INPPL1: variants seen among roughly 807,000 people sequenced by gnomAD.
INPPL1 encodes the protein phosphatidylinositol 3,4,5-trisphosphate 5-phosphatase 2.
INPPL1 carries 91 observed loss-of-function variants against 139.3 expected under a neutral mutation model. The observed-to-expected ratio is 0.65, with a 90% CI of 0.55 to 0.78. The LOEUF (loss-of-function observed/expected upper bound fraction) is 0.78, where lower values mean the gene tolerates loss of function less well. Ranked by LOEUF, INPPL1 falls within the 30% of genes least tolerant of loss-of-function variation. The pLI is 0.00. For missense variants in INPPL1, 1,411 were observed against 1,665.6 expected (o/e 0.85, Z 2.66); for synonymous variants, 719 against 686.6 (o/e 1.05, Z -0.74).
intron 1 of INPPL1, among the ~76,000 whole-genome samples, chr11:72,225,889 A>C (rs191772662): frequency 0.011 from 1,740 of 152,174 alleles, 29 homozygotes; most frequent in Non-Finnish European, 0.014. Flanking sequence ...CTTTCAGCCC[A>C]GTGTGGTTGG....
Position 72,228,811 on chromosome 11 carries a change from C to T in INPPL1, c.482C>T (p.Pro161Leu), listed in dbSNP as rs752670331. 3.1e-6 allele frequency: 5 copies of T among 1,612,834 alleles called. No individual in the cohort carries two copies. Among genetic ancestry groups the T allele is most frequent in the Non-Finnish European group, 4.2e-6 (5 of 1,179,362 alleles). Residue 161 changes from proline (P) to leucine (L), a missense_variant, in exon 4 of 28, where the codon CCA (proline) becomes CTA (leucine). By Grantham distance (98) the Pro-to-Leu change is moderately conservative. This residue lies in a region of INPPL1 where 504 missense variants were observed against 595.6 expected (regional missense o/e 0.85). Transcript: ENST00000298229. The surrounding 1 kb of genome is among the most constrained non-coding windows in gnomAD (Gnocchi z 5.0). ...CCCACTGGGCCCAGCAGTCCCCTGCCAGCTCCTGAGACTCCCACAGCTCCA... is the reference window on the plus strand; with the variant it reads ...CCCACTGGGCCCAGCAGTCCCCTGCTAGCTCCTGAGACTCCCACAGCTCCA... ...SAPTGPSSPLPAPETPTAPAA... is the reference protein window; with the variant it reads ...SAPTGPSSPLLAPETPTAPAA...
rs762242307 is a variant in INPPL1 at position 72,232,868 on chromosome 11, A to G, written c.1852-7A>G. Reference sequence around the variant, plus strand: ...AATGTTTCTAGCCTTTGTGTCCTCCACCCCAGGAGATCCTGAACTACATCA... The same window carrying G: ...AATGTTTCTAGCCTTTGTGTCCTCCGCCCCAGGAGATCCTGAACTACATCA... On this transcript the variant is annotated splice_region_variant and splice_polypyrimidine_tract_variant and intron_variant, in intron 15 of 27. Transcript: ENST00000298229. 1.9e-6 allele frequency: 3 copies of G among 1,613,838 alleles called. No homozygotes were observed. In the South Asian group the frequency reaches 3.3e-5, roughly 18 times the overall value.
chr11:72,230,737 C>T, intron 10 of INPPL1, 59 bp from the exon 11 acceptor site: 1 of 1,439,128 alleles, frequency 6.9e-7, no homozygotes, highest in South Asian at 1.2e-5. Context: ...CAGGGTATCC[C>T]TGTGGACGGG....
At chr11:72,227,603 C>T (rs1389875203) in intron 1 of INPPL1, among the ~76,000 whole-genome samples, 3 of 152,166 alleles carry the variant, frequency 2.0e-5, no homozygotes, top group Non-Finnish European at 2.9e-5. Flanking sequence ...TCCTGTCTGT[C>T]AGCACCCCTC....
chr11:72,232,467 A>T (rs1014260735), intron 14 of INPPL1, 131 bp downstream of exon 14: 5 of 1,212,834 alleles, frequency 4.1e-6, no homozygotes, highest in Non-Finnish European at 5.8e-6. Flanking sequence ...TCTTATCCCA[A>T]TTCAAGACCC....
In INPPL1 at chr11:72,228,813, G is replaced by A; in HGVS notation, c.484G>A (p.Ala162Thr). The A allele has an allele frequency of 6.2e-7, 1 of 1,612,640 alleles. No homozygotes were observed. Among genetic ancestry groups the A allele is most frequent in the Non-Finnish European group, 8.5e-7 (1 of 1,179,314 alleles). Residue 162 changes from alanine (A) to threonine (T), a missense_variant, in exon 4 of 28, where the codon GCT (alanine) becomes ACT (threonine). Physicochemically the swap from Ala to Thr is moderately conservative, Grantham distance 58. This residue lies in a region of INPPL1 where 504 missense variants were observed against 595.6 expected (regional missense o/e 0.85). Transcript: ENST00000298229. The surrounding 1 kb of genome is among the most constrained non-coding windows in gnomAD (Gnocchi z 5.0). Reference sequence around the variant, plus strand: ...CACTGGGCCCAGCAGTCCCCTGCCAGCTCCTGAGACTCCCACAGCTCCAGC... The same window carrying A: ...CACTGGGCCCAGCAGTCCCCTGCCAACTCCTGAGACTCCCACAGCTCCAGC... ...APTGPSSPLP[A>T]PETPTAPAAE...
At chr11:72,230,046 C>T (rs368966021) in intron 8 of INPPL1, 27 bp downstream of exon 8, 20 of 1,613,960 alleles carry the variant, frequency 1.2e-5, no homozygotes, top group Non-Finnish European at 1.7e-5. Context: ...CCTCACAGGG[C>T]CAAGGGTGGT....
rs1948640277 is a variant in INPPL1 at position 72,225,340 on chromosome 11, C to T, written c.182+174C>T. 4.1e-6 allele frequency: 4 copies of T among 985,314 alleles called. No individual in the cohort carries two copies. The South Asian group carries it at 1.4e-4, about 35-fold the overall frequency. 61.0% of individuals were successfully genotyped at this position (985,314 alleles called of 1,614,324 possible). Reference sequence around the variant, plus strand: ...GGGTCTGAGGAGGGACGCAGGGGCACTTCCTGCTGTGTGTCTGGGGGCACT... The same window carrying T: ...GGGTCTGAGGAGGGACGCAGGGGCATTTCCTGCTGTGTGTCTGGGGGCACT... On this transcript the variant is annotated intron_variant, in intron 1 of 27. Transcript: ENST00000298229.
At position 72,225,148 on chromosome 11, in the gene INPPL1, C is replaced by T; in HGVS notation, c.164C>T (p.Ala55Val). 8.9e-6 allele frequency: 11 copies of T among 1,230,590 alleles called. No individual in the cohort carries two copies. Among genetic ancestry groups the T allele is most frequent in the African/African-American group, 1.6e-5 (1 of 64,460 alleles). The allele number at this position is 1,230,590 out of a possible 1,614,324, so 76.2% of individuals were successfully genotyped here. A position where few individuals can be genotyped will look rare whatever the true frequency, so the allele number is the denominator to read the frequency against. ...LVRDSESVAG[A>V]FALCVLYQKH... ...CGAGACAGCGAGAGCGTGGCGGGGG[C>T]CTTCGCGCTCTGCGTCCTGTGAGTG... Residue 55 changes from alanine (A) to valine (V), a missense_variant, in exon 1 of 28, where the codon GCC (alanine) becomes GTC (valine). Transcript: ENST00000298229.
In INPPL1 at chr11:72,228,857, C is replaced by T. The variant is rs370550151; in HGVS notation, c.518+10C>T. On this transcript the variant is annotated intron_variant, in intron 4 of 27. Coordinates refer to ENST00000298229, the MANE Select transcript of INPPL1 (RefSeq NM_001567.4). This position sits in a 1 kb window ranked among gnomAD's most constrained non-coding sequence, Gnocchi z 5.0. Reference sequence around the variant, plus strand: ...CTCCAGCTGCTGAGAGGTGAGACCCCCATCCCATCCACTGAACAGGAGACC... The same window carrying T: ...CTCCAGCTGCTGAGAGGTGAGACCCTCATCCCATCCACTGAACAGGAGACC... The T allele has an allele frequency of 7.0e-6, 11 of 1,577,286 alleles. No homozygotes were observed. The highest frequency in any genetic ancestry group is 9.4e-6 in the Non-Finnish European group (11 of 1,164,308).
At position 72,230,744 on chromosome 11, in the gene INPPL1, C is replaced by CG. The variant is rs905729465; in HGVS notation, c.1198-46dup. 4.7e-6 allele frequency: 7 copies of CG among 1,490,474 alleles called. No individual in the cohort carries two copies. The South Asian group carries it at 7.0e-5, about 15-fold the overall frequency. 92.3% of individuals were successfully genotyped at this position (1,490,474 alleles called of 1,614,324 possible). ...CCAACTGGCAGGGTATCCCTGTGGACGGGGGGCTTCCTGGATGCCTACCCG... is the reference window on the plus strand; with the variant it reads ...CCAACTGGCAGGGTATCCCTGTGGACGGGGGGGCTTCCTGGATGCCTACCCG... On this transcript the variant is annotated intron_variant, in intron 10 of 27. Coordinates refer to ENST00000298229, the MANE Select transcript of INPPL1 (RefSeq NM_001567.4).
chr11:72,237,580 A>C lies in INPPL1; in HGVS notation c.3336A>C (p.Glu1112Asp). 5.0e-6 allele frequency: 8 copies of C among 1,597,338 alleles called. No homozygotes were observed. Among genetic ancestry groups the C allele is most frequent in the Non-Finnish European group, 6.8e-6 (8 of 1,169,092 alleles). Residue 1112 changes from glutamate (E) to aspartate (D), a missense_variant, in exon 26 of 28, where the codon GAA (glutamate) becomes GAC (aspartate). By Grantham distance (45) the Glu-to-Asp change is conservative (BLOSUM62 2). This residue lies in a region of INPPL1 where 438 missense variants were observed against 425.7 expected (regional missense o/e 1.03). Transcript: ENST00000298229. ...GPSPASTFLGEVASGDDRSCS... is the reference protein window; with the variant it reads ...GPSPASTFLGDVASGDDRSCS... ...CACCAGCCAGCACTTTCCTGGGGGA[A>C]GTGGCCAGTGGGGATGACCGGTCCT...
In INPPL1 at chr11:72,228,004, T is replaced by A. The variant is rs1381559016; in HGVS notation, c.183-186T>A. On this transcript the variant is annotated intron_variant, in intron 1 of 27. Coordinates refer to ENST00000298229, the MANE Select transcript of INPPL1 (RefSeq NM_001567.4). The surrounding 1 kb of genome is among the most constrained non-coding windows in gnomAD (Gnocchi z 5.0). ...GGGTGTTCTGGTCATTCCTGCCCAA[T>A]AGGCAACACCAGGAGGGTGGAAGTG... The A allele has an allele frequency of 3.2e-6, 2 of 633,586 alleles. No homozygotes were observed. The highest frequency in any genetic ancestry group is 2.3e-5 in the Admixed American group (1 of 43,056). 39.2% of individuals were successfully genotyped at this position (633,586 alleles called of 1,614,324 possible).
At chr11:72,229,858 T>TTG (rs1190779792) in intron 7 of INPPL1, 66 bp from the exon 8 acceptor site, 3 of 1,570,296 alleles carry the variant, frequency 1.9e-6, no homozygotes, top group Non-Finnish European at 2.6e-6. Flanking sequence ...CCAAGGTCAA[T>TTG]TGTGTCCCTC....
chr11:72,231,331 C>T, intron 12 of INPPL1, 142 bp downstream of exon 12: 1 of 974,084 alleles, frequency 1.0e-6, no homozygotes, highest in Non-Finnish European at 1.6e-6. Flanking sequence ...GGAGATCTGA[C>T]CTGAGTCCTT....
chr11:72,232,591 A>T, intron 14 of INPPL1, 35 bp from the exon 15 acceptor site: 1 of 1,607,466 alleles, frequency 6.2e-7, no homozygotes, highest in Non-Finnish European at 8.5e-7. Context: ...GACCCTGGGG[A>T]TCTACCCCTC....
In INPPL1 at chr11:72,230,236, C is replaced by T; in HGVS notation, c.1055C>T (p.Ser352Phe). 1 of 1,609,830 alleles carries T rather than the reference C, an allele frequency of 6.2e-7. No individual in the cohort carries two copies. The highest frequency in any genetic ancestry group is 1.7e-4 in the Middle Eastern group (1 of 6,018). ...GTGCTGCTGCGGAGACAGCGGGACT[C>T]CCAGGAGGACTGGACCACCTTCACG... is the stretch of plus-strand genomic sequence containing the variant. The part of the protein sequence containing the change: ...RLVLLRRQRD[S>F]QEDWTTFTHD... The change falls in exon 9 of 28, where the codon TCC becomes TTC. Residue 352 changes from serine (S) to phenylalanine (F), a missense_variant. Ser to Phe is a radical substitution (Grantham distance 155). Around this residue, in one of 5 missense-constraint regions of INPPL1, gnomAD observed 504 missense variants for 595.6 expected, o/e 0.85. Coordinates refer to ENST00000298229, the MANE Select transcript of INPPL1 (RefSeq NM_001567.4).
Position 72,238,328 on chromosome 11 carries a change from T to G in INPPL1, c.3752T>G (p.Leu1251Arg). 6.3e-7 allele frequency: 1 copy of G among 1,582,666 alleles called. No homozygotes were observed. The highest frequency in any genetic ancestry group is 8.6e-7 in the Non-Finnish European group (1 of 1,165,408). ...GACCCGGCTCACAAGCGCCTCCTTC[T>G]GGACACCCTGCAGCTCAGCAAGTGA... The part of the protein sequence containing the change: ...VQDPAHKRLL[L>R]DTLQLSK Residue 1251 changes from leucine to arginine, a missense_variant, in exon 28 of 28, where the codon CTG (leucine) becomes CGG (arginine). Physicochemically the swap from Leu to Arg is moderately radical, Grantham distance 102. Transcript: ENST00000298229.
At position 72,234,886 on chromosome 11, in the gene INPPL1, G is replaced by A. The variant is rs1343944244; in HGVS notation, c.2416-230G>A. Among the ~76,000 whole-genome samples, 2 of 152,084 alleles carry A rather than the reference G, an allele frequency of 1.3e-5. No individual in the cohort carries two copies. The highest frequency in any genetic ancestry group is 4.8e-5 in the African/African-American group (2 of 41,380). On this transcript the variant is annotated intron_variant, in intron 21 of 27. Transcript: ENST00000298229. The surrounding 1 kb of genome is among the most constrained non-coding windows in gnomAD (Gnocchi z 4.2). ...GAGCTTTTGCTAGATGTCAGGTCCT[G>A]TGTTAGCTATTGAGAAAATTAATTA...
Sources: gnomAD v4.1 joint callset for allele counts (sites outside exome capture counted in the v4.1 genomes callset) on GRCh38, gnomAD v4.1.1 for gene constraint, gnomAD v4.1.1 regional missense constraint, Gnocchi (gnomAD v3.1) non-coding constraint, MANE v1.5 for transcripts, NCBI Gene and HGNC (gene_info 2026-07-23, HGNC 2026-07-21) for gene names.